Variants in ITCH observed in about 807,000 individuals in gnomAD.
ITCH encodes the protein itchy E3 ubiquitin protein ligase, also known as E3 ubiquitin-protein ligase Itchy homolog.
Under a neutral mutation model 126.8 loss-of-function variants are expected in ITCH, and 28 were observed. That is an observed-to-expected ratio of 0.22 (90% CI 0.16 to 0.30). ITCH has a LOEUF of 0.30. Ranked by LOEUF, ITCH falls within the 10% of genes least tolerant of loss-of-function variation. The pLI, the probability that ITCH is intolerant of heterozygous loss-of-function variation, is 1.00. For missense variants in ITCH, 631 were observed against 1,032.4 expected (o/e 0.61, Z 5.33); for synonymous variants, 342 against 340.0 (o/e 1.01, Z -0.06).
rs1180820148 is a variant in ITCH, at chr20:34,454,488, A to G, written c.1211-2902A>G. ...GAGTTGGTGATAAGCTTATGCACTGAAGATGCCTTGACCAGCAAAACCTGT... is the reference window on the plus strand; with the variant it reads ...GAGTTGGTGATAAGCTTATGCACTGGAGATGCCTTGACCAGCAAAACCTGT... On this transcript the variant is annotated intron_variant, in intron 12 of 24. Coordinates refer to ENST00000374864, the MANE Select transcript of ITCH (RefSeq NM_031483.7). 2.0e-5 allele frequency: 3 copies of G among 152,054 alleles called. 1 individual carries two copies. In the East Asian group the frequency reaches 5.8e-4, roughly 29 times the overall value. 9.4% of individuals were successfully genotyped at this position (152,054 alleles called of 1,614,324 possible). A position where few individuals can be genotyped will look rare whatever the true frequency, so the allele number is the denominator to read the frequency against.
chr20:34,411,016 G>A (rs951565616), intron 4 of ITCH, among the ~76,000 whole-genome samples: 1 of 152,072 alleles, frequency 6.6e-6, no homozygotes. Flanking sequence ...CGTGTAGCAG[G>A]CTTTCCAGAC....
intron 2 of ITCH, 87 bp from the exon 3 acceptor site, chr20:34,393,704 C>T (rs975216098): frequency 1.2e-6 from 1 of 831,584 alleles, no homozygotes. Flanking sequence ...ACATGGTCTT[C>T]AGTAATAAAT....
intron 3 of ITCH, among the ~76,000 whole-genome samples, chr20:34,400,946 A>T (rs2038862338): frequency 6.6e-6 from 1 of 152,094 alleles, no homozygotes; most frequent in African/African-American, 2.4e-5. Flanking sequence ...TTTAGTAGAG[A>T]TGAGGCTTTA....
chr20:34,496,787 G>A (rs1473594085), intron 23 of ITCH, among the ~76,000 whole-genome samples: 2 of 124,608 alleles, frequency 1.6e-5, no homozygotes, highest in Non-Finnish European at 3.2e-5. Context: ...TGGGCAAGAA[G>A]AGCAACACTC....
At chr20:34,442,938 T>C (rs1053181637) in intron 10 of ITCH, among the ~76,000 whole-genome samples, 1 of 149,304 alleles carries the variant, frequency 6.7e-6, no homozygotes, top group African/African-American at 2.5e-5. Context: ...ATCTCGCCAC[T>C]GCACTCCAGC....
rs138881191 is a variant in ITCH at position 34,419,725 on chromosome 20, G to A, written c.476-4755G>A. 4.1e-3 allele frequency among the ~76,000 whole-genome samples: 630 copies of A among 152,124 alleles called. 1 individual carries two copies. Among genetic ancestry groups the A allele is most frequent in the Middle Eastern group, 0.031 (9 of 294 alleles). On this transcript the variant is annotated intron_variant, in intron 6 of 24. Transcript: ENST00000374864. ...GCTGGAGGGCAGTGGTACTATCTCC[G>A]CTCGCTGCAAGCTCCGCCTTGCCGG... is the stretch of plus-strand genomic sequence containing the variant.
At chr20:34,472,725 A>G (rs781016830) in intron 16 of ITCH, among the ~76,000 whole-genome samples, 35 of 152,204 alleles carry the variant, frequency 2.3e-4, no homozygotes, top group South Asian at 1.7e-3. Context: ...TATTGACATT[A>G]AAGGAAAAAG....
At chr20:34,398,339 A>G (rs1384081649) in intron 3 of ITCH, among the ~76,000 whole-genome samples, 1 of 151,810 alleles carries the variant, frequency 6.6e-6, no homozygotes, top group Non-Finnish European at 1.5e-5. Flanking sequence ...CTTGTATTAG[A>G]GGTGTGAGCC....
chr20:34,406,713 T>C (rs2039071191), intron 3 of ITCH, among the ~76,000 whole-genome samples: 1 of 152,058 alleles, frequency 6.6e-6, no homozygotes, highest in East Asian at 1.9e-4. Flanking sequence ...TTTTTGTATT[T>C]TTAGTAGAGA....
intron 7 of ITCH, among the ~76,000 whole-genome samples, chr20:34,434,053 A>T (rs1399012270): frequency 6.6e-6 from 1 of 152,254 alleles, no homozygotes; most frequent in Non-Finnish European, 1.5e-5. Flanking sequence ...AAGTGGGCAG[A>T]TAGCCTGAAC....
chr20:34,386,015 A>G (rs1047406946), intron 2 of ITCH, among the ~76,000 whole-genome samples: 1 of 152,012 alleles, frequency 6.6e-6, no homozygotes, highest in African/African-American at 2.4e-5. Context: ...ATGGGTATTT[A>G]CCCTCTGCTC....
chr20:34,490,811 A>G (rs1261574196), intron 22 of ITCH, among the ~76,000 whole-genome samples: 1 of 152,204 alleles, frequency 6.6e-6, no homozygotes, highest in Non-Finnish European at 1.5e-5. Flanking sequence ...TTAACATAAG[A>G]TCCAGGAATT....
intron 19 of ITCH, 141 bp downstream of exon 19, chr20:34,480,873 A>G (rs962335390): frequency 4.1e-6 from 4 of 969,934 alleles, no homozygotes; most frequent in African/African-American, 1.7e-5. Flanking sequence ...TTTTTATTCA[A>G]TATGATAAAT....
At chr20:34,501,814 TAAAAG>T (rs1260117841) in intron 23 of ITCH, among the ~76,000 whole-genome samples, 1 of 128,640 alleles carries the variant, frequency 7.8e-6, no homozygotes, top group Non-Finnish European at 1.7e-5. Flanking sequence ...TACTGGAAAA[TAAAAG>T]AACAGATGAG....
At chr20:34,403,466 A>T (rs2038953837) in intron 3 of ITCH, among the ~76,000 whole-genome samples, 1 of 152,194 alleles carries the variant, frequency 6.6e-6, no homozygotes. Context: ...AATAAAGCAG[A>T]GAGACAGAGA....
intron 2 of ITCH, among the ~76,000 whole-genome samples, chr20:34,393,225 A>G (rs2038549433): frequency 1.3e-5 from 2 of 152,118 alleles, no homozygotes; most frequent in Non-Finnish European, 2.9e-5. Flanking sequence ...TAAATGGGTA[A>G]TTTGGTCAGG....
At chr20:34,431,480 A>T (rs1026970877) in intron 7 of ITCH, among the ~76,000 whole-genome samples, 5 of 152,162 alleles carry the variant, frequency 3.3e-5, no homozygotes, top group African/African-American at 1.2e-4. Flanking sequence ...CATTTAGTTG[A>T]TAATTTGATA....
intron 16 of ITCH, chr20:34,476,481 C>A (rs900519608): frequency 4.5e-5 from 55 of 1,211,168 alleles, no homozygotes; most frequent in Non-Finnish European, 5.0e-5. Flanking sequence ...CCATCGCCCG[C>A]GGTCGGGAAC....
intron 9 of ITCH, chr20:34,441,591 A>ATTATTTTT (rs1983759049): frequency 7.3e-6 from 1 of 137,664 alleles, no homozygotes; most frequent in Non-Finnish European, 1.5e-5. Flanking sequence ...TGCCCAGCTA[A>ATTATTTTT]TTTTTTTTTT....
Sources: allele counts gnomAD v4.1 joint callset (sites outside exome capture counted in the v4.1 genomes callset), GRCh38; gene constraint gnomAD v4.1.1; transcripts MANE v1.5; gene names NCBI Gene and HGNC (gene_info 2026-07-23, HGNC 2026-07-21).